LRPPRC: variants seen among roughly 807,000 people sequenced by gnomAD.
LRPPRC encodes the protein leucine rich pentatricopeptide repeat containing.
In LRPPRC, 120 loss-of-function variants were observed where a neutral mutation model predicts 180.3. The ratio of observed to expected loss-of-function variants is 0.67; its 90% CI spans 0.57 to 0.77. The LOEUF (loss-of-function observed/expected upper bound fraction) is 0.77, where lower values mean the gene tolerates loss of function less well. Ranked by LOEUF, LRPPRC falls within the 30% of genes least tolerant of loss-of-function variation. The probability of loss-of-function intolerance (pLI) is 0.00; values close to 1 mark genes in which losing one functional copy is unlikely to be tolerated. For synonymous variants in LRPPRC, 723 were observed against 600.0 expected (o/e 1.21, Z -3.00); for missense variants, 2,012 against 1,657.2 (o/e 1.21, Z -3.72).
At chr2:43,889,979 G>A (rs976253007) in intron 36 of LRPPRC, 103 bp from the exon 37 acceptor site, 17 of 792,090 alleles carry the variant, frequency 2.1e-5, no homozygotes, top group East Asian at 7.6e-5. Flanking sequence ...TTTATCCCAC[G>A]GCAAATGAAC....
chr2:43,944,697 G>C (rs1171261440), intron 22 of LRPPRC, among the ~76,000 whole-genome samples: 2 of 151,800 alleles, frequency 1.3e-5, no homozygotes, highest in Non-Finnish European at 2.9e-5. Context: ...TCAAAATAAA[G>C]CCAAATCAGA....
intron 34 of LRPPRC, 26 bp downstream of exon 34, chr2:43,899,193 C>A (rs759155078): frequency 6.6e-7 from 1 of 1,516,446 alleles, no homozygotes; most frequent in South Asian, 1.1e-5. Flanking sequence ...TCGAGCCCCA[C>A]TGCTCCATGA....
Position 43,947,760 on chromosome 2 carries a change from C to A in LRPPRC, c.1936G>T (p.Val646Phe), listed in dbSNP as rs752968314. The A allele has an allele frequency of 6.3e-7, 1 of 1,589,426 alleles. No homozygotes were observed. The highest frequency in any genetic ancestry group is 8.6e-7 in the Non-Finnish European group (1 of 1,157,788). ...PELIKDAHLLVESKNLDFQKT... is the reference protein window; with the variant it reads ...PELIKDAHLLFESKNLDFQKT... ...TGAAAGTCTAAATTCTTACTCTCAA[C>A]CAACAAGTGAGCATCCTAAAATTGA... Residue 646 changes from valine to phenylalanine, a missense_variant, in exon 19 of 38, where the codon GTT (valine) becomes TTT (phenylalanine). Transcript: ENST00000260665.
intron 2 of LRPPRC, 56 bp from the exon 3 acceptor site, chr2:43,980,004 A>C: frequency 1.3e-6 from 2 of 1,529,808 alleles, no homozygotes; most frequent in Non-Finnish European, 1.8e-6. Flanking sequence ...TCACATAGAT[A>C]AATATCAAAA....
chr2:43,888,725 T>A (rs554641387), intron 37 of LRPPRC, 69 bp from the exon 38 acceptor site: 4 of 857,322 alleles, frequency 4.7e-6, no homozygotes, highest in East Asian at 4.9e-5. Flanking sequence ...ACTTAAAAAA[T>A]CATAAAACAC....
intron 23 of LRPPRC, among the ~76,000 whole-genome samples, chr2:43,938,882 G>A (rs1348021297): frequency 1.4e-5 from 2 of 147,352 alleles, no homozygotes; most frequent in African/African-American, 5.1e-5. Flanking sequence ...AAACAACCAC[G>A]AGTGACAACT....
intron 23 of LRPPRC, among the ~76,000 whole-genome samples, chr2:43,935,249 C>A (rs1406645180): frequency 6.6e-6 from 1 of 152,198 alleles, no homozygotes; most frequent in African/African-American, 2.4e-5. Context: ...GGACTACCGT[C>A]AAATACTTTT....
chr2:43,976,725 A>AAAAAAAAAAAC (rs1559046249), intron 5 of LRPPRC, among the ~76,000 whole-genome samples: 2 of 148,808 alleles, frequency 1.3e-5, no homozygotes. Context: ...AAAAAAAAAA[A>AAAAAAAAAAAC]AAGCAAAGTC....
intron 11 of LRPPRC, among the ~76,000 whole-genome samples, chr2:43,969,566 G>C (rs768781429): frequency 1.3e-5 from 2 of 152,064 alleles, no homozygotes; most frequent in Non-Finnish European, 1.5e-5. Flanking sequence ...GTGGCTCCTT[G>C]TTGCCAATAT....
rs927980602 is a variant in LRPPRC at position 43,899,349 on chromosome 2, G to T, written c.3710-15C>A. 5.0e-6 allele frequency: 8 copies of T among 1,609,448 alleles called. No individual in the cohort carries two copies. In the Admixed American group the frequency reaches 1.3e-4, roughly 27 times the overall value. On this transcript the variant is annotated splice_polypyrimidine_tract_variant and intron_variant, in intron 33 of 37. Coordinates refer to ENST00000260665, the MANE Select transcript of LRPPRC (RefSeq NM_133259.4). ...CATGATGCTTACTGGAAAAATGACA[G>T]GTAAGAAAAATCTTTCATTAGAACA...
chr2:43,889,922 A>C, intron 36 of LRPPRC, 46 bp from the exon 37 acceptor site: 1 of 1,451,000 alleles, frequency 6.9e-7, no homozygotes, highest in Non-Finnish European at 9.7e-7. Context: ...AAGACAACCT[A>C]TCTTACTCTT....
intron 6 of LRPPRC, among the ~76,000 whole-genome samples, chr2:43,975,609 GT>G (rs1490343391): frequency 6.6e-6 from 1 of 150,642 alleles, no homozygotes; most frequent in Admixed American, 6.6e-5. Context: ...TTGAGATGGA[GT>G]CTTGCTCTGT....
intron 31 of LRPPRC, chr2:43,902,347 A>T (rs1670918834): frequency 6.6e-6 from 1 of 152,222 alleles, no homozygotes; most frequent in African/African-American, 2.4e-5. Flanking sequence ...AAAGTGGTAG[A>T]CTGAGGAGTA....
At chr2:43,955,857 T>G (rs529614466) in intron 14 of LRPPRC, among the ~76,000 whole-genome samples, 7 of 152,118 alleles carry the variant, frequency 4.6e-5, no homozygotes, top group African/African-American at 1.7e-4. Context: ...AGTCTCAAAT[T>G]ACCACCCCAT....
At position 43,913,477 on chromosome 2, in the gene LRPPRC, A is replaced by G. The variant is rs146372498; in HGVS notation, c.3149-919T>C. 1.7e-3 allele frequency among the ~76,000 whole-genome samples: 252 copies of G among 152,334 alleles called. 1 individual carries two copies. Among genetic ancestry groups the G allele is most frequent in the African/African-American group, 5.8e-3 (241 of 41,582 alleles). ...TATTTAATGTTCAGAAGAACATTTT[A>G]AGCTACTTTAGAAGTTTCTGAACAG... On this transcript the variant is annotated intron_variant, in intron 29 of 37. Transcript: ENST00000260665.
chr2:43,919,112 T>A (rs1212952480), intron 27 of LRPPRC, among the ~76,000 whole-genome samples: 1 of 152,084 alleles, frequency 6.6e-6, no homozygotes, highest in African/African-American at 2.4e-5. Flanking sequence ...GCGGCAGCAT[T>A]AGATTCTCAT....
At chr2:43,912,300 A>C in intron 30 of LRPPRC, 132 bp downstream of exon 30, 1 of 769,190 alleles carries the variant, frequency 1.3e-6, no homozygotes, top group Non-Finnish European at 2.2e-6. Context: ...TAACCATTTC[A>C]TATGATTTTT....
intron 3 of LRPPRC, among the ~76,000 whole-genome samples, chr2:43,979,009 T>C (rs189907609): frequency 7.2e-4 from 110 of 152,244 alleles, no homozygotes; most frequent in Non-Finnish European, 2.4e-4. Flanking sequence ...TTATACATGA[T>C]TGTTGTCGGT....
At chr2:43,927,046 A>G (rs1671904574) in intron 25 of LRPPRC, among the ~76,000 whole-genome samples, 1 of 152,234 alleles carries the variant, frequency 6.6e-6, no homozygotes, top group African/African-American at 2.4e-5. Context: ...GGAATAAAAG[A>G]CAAACCATTT....
Sources: gnomAD v4.1 joint callset for allele counts (sites outside exome capture counted in the v4.1 genomes callset) on GRCh38, gnomAD v4.1.1 for gene constraint, MANE v1.5 for transcripts, NCBI Gene and HGNC (gene_info 2026-07-23, HGNC 2026-07-21) for gene names.